The following GALNT13 variants were observed in gnomAD, a reference collection of about 807,000 sequenced individuals.
GALNT13 encodes UDP-GalNAc:polypeptide N-acetylgalactosaminyltransferase 13.
A neutral mutation model predicts 64.2 loss-of-function variants in GALNT13; 28 were observed. The ratio of observed to expected loss-of-function variants is 0.44; its 90% CI spans 0.32 to 0.60. The LOEUF (loss-of-function observed/expected upper bound fraction) is 0.60, where lower values mean the gene tolerates loss of function less well. Ranked by LOEUF, GALNT13 falls within the 20% of genes least tolerant of loss-of-function variation. The pLI, the probability that GALNT13 is intolerant of heterozygous loss-of-function variation, is 0.05. For synonymous variants in GALNT13, 214 were observed against 224.6 expected, an observed-to-expected ratio of 0.95 and a Z score of 0.42; for missense variants, 577 against 669.8, an observed-to-expected ratio of 0.86 and a Z score of 1.53.
At chr2:153,843,182 G>A in the GALNT13 span, among the ~76,000 whole-genome samples, 1 of 152,148 alleles carries the variant, frequency 6.6e-6, no homozygotes, top group Admixed American at 6.5e-5. Context: ...AGCTATAATT[G>A]GCTCATGAGT....
At chr2:154,156,733 A>T (rs1684445711) in intron 4 of GALNT13, among the ~76,000 whole-genome samples, 1 of 152,204 alleles carries the variant, frequency 6.6e-6, no homozygotes, top group Non-Finnish European at 1.5e-5. Flanking sequence ...AAAAGACAAG[A>T]TAGAGAGTTA....
chr2:153,836,335 C>A, the GALNT13 span, among the ~76,000 whole-genome samples: 2 of 151,894 alleles, frequency 1.3e-5, no homozygotes, highest in African/African-American at 2.4e-5. Context: ...TGTTTTCTTG[C>A]GGTTAGAACA....
At chr2:153,177,082 T>G in the GALNT13 span, among the ~76,000 whole-genome samples, 3 of 139,966 alleles carry the variant, frequency 2.1e-5, no homozygotes, top group African/African-American at 7.7e-5. Context: ...AAGGCAATTA[T>G]GTAGGTAAGT....
the GALNT13 span, among the ~76,000 whole-genome samples, chr2:153,138,841 T>G: frequency 6.6e-6 from 1 of 152,044 alleles, no homozygotes; most frequent in Non-Finnish European, 1.5e-5. Context: ...AGTTACATGA[T>G]TTTGCCACAA....
Position 154,245,834 on chromosome 2 carries a change from A to G in GALNT13, c.709A>G (p.Ile237Val), listed in dbSNP as rs1051537298. Residue 237 changes from isoleucine (I) to valine (V), a missense_variant, in exon 7 of 13, where the codon ATT becomes GTT. Ile to Val is a conservative substitution (Grantham distance 29). Around this residue, in one of 3 missense-constraint regions of GALNT13, gnomAD observed 341 missense variants for 379.3 expected, o/e 0.90. Coordinates refer to ENST00000392825, the MANE Select transcript of GALNT13 (RefSeq NM_052917.4). ...CAGGAAAACGGTTGTCTGCCCTATC[A>G]TTGATGTGATTAGTGATGATACTTT... ...EDRKTVVCPI[I>V]DVISDDTFEY... 1 of 1,607,660 alleles carries G rather than the reference A, an allele frequency of 6.2e-7. No homozygotes were observed. The highest frequency in any genetic ancestry group is 8.5e-7 in the Non-Finnish European group (1 of 1,175,806).
At chr2:153,894,636 A>C (rs1399164708) in intron 1 of GALNT13, among the ~76,000 whole-genome samples, 1 of 152,130 alleles carries the variant, frequency 6.6e-6, no homozygotes, top group Non-Finnish European at 1.5e-5. Context: ...GTTATAGATT[A>C]ATCAGTTTGC....
chr2:153,322,173 A>G, the GALNT13 span, among the ~76,000 whole-genome samples: 4 of 151,562 alleles, frequency 2.6e-5, no homozygotes, highest in Non-Finnish European at 5.9e-5. Context: ...CCACCTCTCC[A>G]CTCTAGTAGT....
At chr2:153,377,784 A>G in the GALNT13 span, among the ~76,000 whole-genome samples, 2 of 152,210 alleles carry the variant, frequency 1.3e-5, no homozygotes, top group Non-Finnish European at 2.9e-5. Flanking sequence ...CTAGAAAACG[A>G]ATACAGTGCC....
the GALNT13 span, among the ~76,000 whole-genome samples, chr2:153,531,604 C>T: frequency 6.6e-6 from 1 of 152,098 alleles, no homozygotes; most frequent in Non-Finnish European, 1.5e-5. Flanking sequence ...AACAGTTCCC[C>T]AAAGTCTTAA....
At chr2:153,590,308 A>G in the GALNT13 span, among the ~76,000 whole-genome samples, 2 of 152,288 alleles carry the variant, frequency 1.3e-5, no homozygotes, top group Non-Finnish European at 2.9e-5. Flanking sequence ...AAATTATAAG[A>G]GACTGATAGC....
At chr2:153,474,205 TAA>T in the GALNT13 span, among the ~76,000 whole-genome samples, 17 of 152,336 alleles carry the variant, frequency 1.1e-4, no homozygotes, top group African/African-American at 2.6e-4. Context: ...TGAAACATCT[TAA>T]GAGAGAACAC....
At chr2:154,267,346 T>G (rs1302290184) in intron 8 of GALNT13, among the ~76,000 whole-genome samples, 1 of 152,024 alleles carries the variant, frequency 6.6e-6, no homozygotes. Flanking sequence ...ATTTAAAAAC[T>G]TGTGCTTTTC....
chr2:153,700,758 T>C, the GALNT13 span, among the ~76,000 whole-genome samples: 1 of 151,900 alleles, frequency 6.6e-6, no homozygotes, highest in Non-Finnish European at 1.5e-5. Flanking sequence ...ACAAAGAGAA[T>C]AAATTACCTA....
chr2:154,138,282 C>T (rs1430044341), intron 3 of GALNT13, among the ~76,000 whole-genome samples: 2 of 151,988 alleles, frequency 1.3e-5, no homozygotes, highest in African/African-American at 2.4e-5. Context: ...CATAAAAATA[C>T]ATTTGTATGC....
the GALNT13 span, among the ~76,000 whole-genome samples, chr2:153,393,905 C>A: frequency 6.6e-6 from 1 of 151,482 alleles, no homozygotes. Context: ...AATCATGAGC[C>A]AATTCCCTCA....
At chr2:153,972,466 C>CT (rs754352727) in intron 3 of GALNT13, among the ~76,000 whole-genome samples, 4 of 151,914 alleles carry the variant, frequency 2.6e-5, no homozygotes. Flanking sequence ...AAATATAATA[C>CT]TTTTTTATGG....
At chr2:153,218,198 A>G in the GALNT13 span, among the ~76,000 whole-genome samples, 31 of 152,084 alleles carry the variant, frequency 2.0e-4, no homozygotes, top group African/African-American at 7.0e-4. Flanking sequence ...TCTCTCTTCT[A>G]TTCCTCTTCC....
At chr2:154,089,551 G>T (rs529058882) in intron 3 of GALNT13, among the ~76,000 whole-genome samples, 1 of 151,966 alleles carries the variant, frequency 6.6e-6, no homozygotes, top group Non-Finnish European at 1.5e-5. Context: ...TGGGAATGGG[G>T]GCTGAGAAAC....
At chr2:153,347,930 G>T in the GALNT13 span, among the ~76,000 whole-genome samples, 1 of 152,026 alleles carries the variant, frequency 6.6e-6, no homozygotes, top group Admixed American at 6.5e-5. Flanking sequence ...CTTTAAAAAA[G>T]GTTTCCTTTT....
Sources: gnomAD v4.1 joint callset for allele counts (sites outside exome capture counted in the v4.1 genomes callset) on GRCh38, gnomAD v4.1.1 for gene constraint, gnomAD v4.1.1 regional missense constraint, MANE v1.5 for transcripts, NCBI Gene and HGNC (gene_info 2026-07-23, HGNC 2026-07-21) for gene names.